RNF13: variants seen among roughly 807,000 people sequenced by gnomAD.
RNF13 encodes the protein E3 ubiquitin-protein ligase RNF13.
In RNF13, 19 loss-of-function variants were observed where a neutral mutation model predicts 37.7. The ratio of observed to expected loss-of-function variants is 0.50; its 90% CI spans 0.35 to 0.74. RNF13 has a LOEUF of 0.74. Ranked by LOEUF, RNF13 falls within the 30% of genes least tolerant of loss-of-function variation. The pLI is 0.01. For missense variants in RNF13, 375 were observed against 453.0 expected, an observed-to-expected ratio of 0.83 and a Z score of 1.56; for synonymous variants, 144 against 157.8, an observed-to-expected ratio of 0.91 and a Z score of 0.65.
intron 2 of RNF13, among the ~76,000 whole-genome samples, chr3:149,846,709 C>A (rs2108377138): frequency 6.6e-6 from 1 of 152,262 alleles, no homozygotes; most frequent in East Asian, 1.9e-4. Context: ...CATGTGGGTG[C>A]TTTGCACACA....
intron 1 of RNF13, among the ~76,000 whole-genome samples, chr3:149,825,715 G>A (rs1452595233): frequency 6.6e-6 from 1 of 152,164 alleles, no homozygotes; most frequent in African/African-American, 2.4e-5. Flanking sequence ...CCTTTGTAAT[G>A]TCTCCCTCAG....
intron 6 of RNF13, among the ~76,000 whole-genome samples, chr3:149,911,636 G>A (rs1206879977): frequency 6.6e-6 from 1 of 151,462 alleles, no homozygotes; most frequent in Admixed American, 6.6e-5. Context: ...TCCAGCCTGG[G>A]CAACAGAACA....
Position 149,921,212 on chromosome 3 carries a change from C to T in RNF13, c.685C>T (p.His229Tyr). 2.1e-6 allele frequency: 3 copies of T among 1,396,872 alleles called. No individual in the cohort carries two copies. Among genetic ancestry groups the T allele is most frequent in the East Asian group, 2.6e-5 (1 of 38,024 alleles). 86.5% of individuals were successfully genotyped at this position (1,396,872 alleles called of 1,614,324 possible). ...AGATCAACTTAAGAAACTTCCTGTA[C>T]ATAAATTCAAGAAAGGTAAGTATTT... Reference protein sequence around the residue: ...RKDQLKKLPVHKFKKGDEYDV... With the variant: ...RKDQLKKLPVYKFKKGDEYDV... The change falls in exon 8 of 10, where the codon CAT becomes TAT. Residue 229 changes from histidine (H) to tyrosine (Y), a missense_variant. By Grantham distance (83) the His-to-Tyr change is moderately conservative. Coordinates refer to ENST00000392894, the MANE Select transcript of RNF13 (RefSeq NM_183381.3).
chr3:149,884,890 A>G (rs1321124882), intron 4 of RNF13, among the ~76,000 whole-genome samples: 1 of 151,024 alleles, frequency 6.6e-6, no homozygotes, highest in East Asian at 1.9e-4. Context: ...CCCATTAACC[A>G]TCCCCATCTC....
Position 149,912,096 on chromosome 3 carries a change from A to T in RNF13, c.606+13A>T. 1 of 1,302,170 alleles carries T rather than the reference A, an allele frequency of 7.7e-7. No homozygotes were observed. Among genetic ancestry groups the T allele is most frequent in the Non-Finnish European group, 1.1e-6 (1 of 911,788 alleles). The allele number at this position is 1,302,170 out of a possible 1,614,324, so 80.7% of individuals were successfully genotyped here. ...AGTCATTTTCATGGTAGGTACATTA[A>T]CTTTTAATAATTTTTAAAAAATAGT... On this transcript the variant is annotated intron_variant, in intron 7 of 9. Coordinates refer to ENST00000392894, the MANE Select transcript of RNF13 (RefSeq NM_183381.3).
At chr3:149,938,941 GAAATGA>G (rs534550935) in intron 8 of RNF13, 79 of 389,074 alleles carry the variant, frequency 2.0e-4, no homozygotes, top group African/African-American at 1.6e-3. Context: ...AACTGTTACA[GAAATGA>G]AATAAAATGG....
intron 4 of RNF13, among the ~76,000 whole-genome samples, chr3:149,883,048 T>C (rs1354538548): frequency 6.6e-6 from 1 of 152,208 alleles, no homozygotes; most frequent in African/African-American, 2.4e-5. Flanking sequence ...TTCTCCTACA[T>C]GTAGTTACCA....
chr3:149,960,547 G>A (rs1053563344), intron 9 of RNF13, among the ~76,000 whole-genome samples, 193 bp from the exon 10 acceptor site: 1 of 151,870 alleles, frequency 6.6e-6, no homozygotes, highest in African/African-American at 2.4e-5. Flanking sequence ...AGCTGAGATT[G>A]TGCCACTGCA....
intron 3 of RNF13, among the ~76,000 whole-genome samples, chr3:149,871,035 A>ATTTT (rs144707628): frequency 8.2e-6 from 1 of 121,306 alleles, no homozygotes; most frequent in Non-Finnish European, 1.8e-5. Flanking sequence ...CTGTTACCAG[A>ATTTT]TTTTTTTTTT....
At chr3:149,820,886 T>C (rs1490548708) in intron 1 of RNF13, among the ~76,000 whole-genome samples, 1 of 152,236 alleles carries the variant, frequency 6.6e-6, no homozygotes, top group African/African-American at 2.4e-5. Context: ...TTATATAAAT[T>C]GAATTTTCAA....
At chr3:149,844,816 G>GT (rs1360306406) in intron 1 of RNF13, among the ~76,000 whole-genome samples, 1 of 152,140 alleles carries the variant, frequency 6.6e-6, no homozygotes, top group Non-Finnish European at 1.5e-5. Flanking sequence ...CAATTAAAGT[G>GT]TACAATGCAG....
chr3:149,905,260 T>G (rs1202585845), intron 6 of RNF13, among the ~76,000 whole-genome samples: 1 of 152,210 alleles, frequency 6.6e-6, no homozygotes, highest in East Asian at 1.9e-4. Context: ...GTTGTCAGAT[T>G]TGCTTATTTT....
At chr3:149,887,978 C>T (rs557955468) in intron 4 of RNF13, among the ~76,000 whole-genome samples, 32 of 152,252 alleles carry the variant, frequency 2.1e-4, no homozygotes, top group African/African-American at 6.0e-4. Flanking sequence ...AAAAGAAAGA[C>T]GCTTTAAAGC....
chr3:149,846,345 C>T (rs540598597), intron 2 of RNF13, among the ~76,000 whole-genome samples: 2 of 152,230 alleles, frequency 1.3e-5, no homozygotes, highest in African/African-American at 4.8e-5. Flanking sequence ...TCTCGTTGCC[C>T]AGGCTGGAGT....
chr3:149,938,009 A>G (rs1395301631), intron 8 of RNF13, among the ~76,000 whole-genome samples: 1 of 151,982 alleles, frequency 6.6e-6, no homozygotes, highest in East Asian at 1.9e-4. Context: ...GGATCTGTAC[A>G]TTTCAGATAG....
chr3:149,899,800 T>C (rs1715634992), intron 5 of RNF13, among the ~76,000 whole-genome samples: 1 of 152,242 alleles, frequency 6.6e-6, no homozygotes, highest in South Asian at 2.1e-4. Flanking sequence ...ATGGCTATGC[T>C]GTTTACAGAG....
At chr3:149,822,917 A>T (rs7636302) in intron 1 of RNF13, among the ~76,000 whole-genome samples, 1 of 152,156 alleles carries the variant, frequency 6.6e-6, no homozygotes, top group Admixed American at 6.5e-5. Flanking sequence ...ATTACCATTA[A>T]TATACATTAG....
intron 3 of RNF13, among the ~76,000 whole-genome samples, chr3:149,861,584 A>G (rs140179644): frequency 2.6e-4 from 40 of 152,254 alleles, no homozygotes; most frequent in Non-Finnish European, 4.9e-4. Flanking sequence ...AGTTGATCTT[A>G]TGGAGGTTGA....
chr3:149,837,702 C>T (rs1195718277), intron 1 of RNF13, among the ~76,000 whole-genome samples: 3 of 152,100 alleles, frequency 2.0e-5, no homozygotes, highest in Non-Finnish European at 2.9e-5. Flanking sequence ...CTGCCGGGTC[C>T]CTCCCACAAC....
Sources: allele counts gnomAD v4.1 joint callset (sites outside exome capture counted in the v4.1 genomes callset), GRCh38; gene constraint gnomAD v4.1.1; transcripts MANE v1.5; gene names NCBI Gene and HGNC (gene_info 2026-07-23, HGNC 2026-07-21).